Variants in ELMOD1 observed in about 807,000 individuals in gnomAD.
The protein encoded by ELMOD1 is ELMO domain containing 1.
In ELMOD1, 21 loss-of-function variants were observed where a neutral mutation model predicts 46.7. That is an observed-to-expected ratio of 0.45 (90% CI 0.32 to 0.65). ELMOD1 has a LOEUF of 0.65. ELMOD1 is among the 30% of genes least tolerant of loss of function. ELMOD1 has a pLI of 0.04. For missense variants in ELMOD1, 348 were observed against 407.8 expected, an observed-to-expected ratio of 0.85 and a Z score of 1.26; for synonymous variants, 122 against 138.2, an observed-to-expected ratio of 0.88 and a Z score of 0.82.
intron 5 of ELMOD1, among the ~76,000 whole-genome samples, chr11:107,631,982 T>G (rs1866149727): frequency 6.6e-6 from 1 of 152,238 alleles, no homozygotes; most frequent in African/African-American, 2.4e-5. Flanking sequence ...GATGCCTATG[T>G]TTTACGCTAA....
chr11:107,654,883 C>G (rs1014197178), intron 10 of ELMOD1, among the ~76,000 whole-genome samples: 2 of 151,314 alleles, frequency 1.3e-5, no homozygotes, highest in Non-Finnish European at 2.9e-5. Context: ...CCCATATTAT[C>G]CAAAAATATT....
At chr11:107,609,182 C>T (rs1470199005) in intron 1 of ELMOD1, among the ~76,000 whole-genome samples, 1 of 152,142 alleles carries the variant, frequency 6.6e-6, no homozygotes, top group Non-Finnish European at 1.5e-5. Flanking sequence ...ATAATAAGTA[C>T]TTTGTGAATA....
At chr11:107,615,748 AC>A (rs1013345012) in intron 1 of ELMOD1, among the ~76,000 whole-genome samples, 11 of 151,088 alleles carry the variant, frequency 7.3e-5, no homozygotes, top group African/African-American at 2.2e-4. Flanking sequence ...AGTTTCTTAG[AC>A]TTTCCTTGTT....
intron 9 of ELMOD1, among the ~76,000 whole-genome samples, chr11:107,651,178 A>G (rs1248260430): frequency 2.0e-5 from 3 of 152,200 alleles, no homozygotes; most frequent in Non-Finnish European, 1.5e-5. Flanking sequence ...CTAAAGGCTG[A>G]ACACCTCACC....
intron 6 of ELMOD1, among the ~76,000 whole-genome samples, chr11:107,646,221 C>CTT (rs61146463): frequency 0.098 from 14,873 of 152,080 alleles, 887 homozygotes; most frequent in African/African-American, 0.17. Context: ...CTACAGAAAA[C>CTT]TAAAAAATAG....
rs1166525245 is a variant in ELMOD1, at chr11:107,655,946, A to G, written c.712A>G (p.Ile238Val). The change falls in exon 11 of 12, where the codon ATT becomes GTT. Residue 238 changes from isoleucine to valine, a missense_variant. By Grantham distance (29) the Ile-to-Val change is conservative (BLOSUM62 3). Coordinates refer to ENST00000265840, the MANE Select transcript of ELMOD1 (RefSeq NM_018712.4). ...MDKAIGYSFA[I>V]VGINITDLAY... ...TATACTTTATAGGTACTCATTTGCA[A>G]TTGTGGGCATCAATATAACTGACCT... 1 of 1,606,648 alleles carries G rather than the reference A, an allele frequency of 6.2e-7. No individual in the cohort carries two copies. The highest frequency in any genetic ancestry group is 8.5e-7 in the Non-Finnish European group (1 of 1,176,078).
At chr11:107,604,982 A>T (rs764951820) in intron 1 of ELMOD1, among the ~76,000 whole-genome samples, 1 of 152,210 alleles carries the variant, frequency 6.6e-6, no homozygotes, top group African/African-American at 2.4e-5. Flanking sequence ...CATTTTGCCA[A>T]AAGCATCAGA....
At chr11:107,660,012 T>C (rs1866706369) in intron 11 of ELMOD1, among the ~76,000 whole-genome samples, 1 of 152,136 alleles carries the variant, frequency 6.6e-6, no homozygotes, top group Non-Finnish European at 1.5e-5. Flanking sequence ...CATCAGGTTT[T>C]GGAAGCAGCA....
chr11:107,642,413 G>C (rs887076224), intron 6 of ELMOD1, among the ~76,000 whole-genome samples: 1 of 151,794 alleles, frequency 6.6e-6, no homozygotes, highest in African/African-American at 2.4e-5. Context: ...CTGTCACCCA[G>C]GCTGGAGTGC....
chr11:107,611,565 C>CG (rs1233764948), intron 1 of ELMOD1, among the ~76,000 whole-genome samples: 1 of 151,674 alleles, frequency 6.6e-6, no homozygotes, highest in Non-Finnish European at 1.5e-5. Context: ...ATTAGCCGGT[C>CG]GTGGTGGCAG....
intron 6 of ELMOD1, among the ~76,000 whole-genome samples, chr11:107,642,104 C>T (rs1216335857): frequency 1.3e-5 from 2 of 151,440 alleles, no homozygotes; most frequent in South Asian, 2.1e-4. Flanking sequence ...CCACCATGCC[C>T]GGCTAATTTT....
chr11:107,603,398 G>T (rs979276366), intron 1 of ELMOD1, among the ~76,000 whole-genome samples: 1 of 152,050 alleles, frequency 6.6e-6, no homozygotes, highest in Admixed American at 6.6e-5. Flanking sequence ...AAATAGCTGT[G>T]CGTGGTGGTG....
At chr11:107,640,174 T>A (rs1866297179) in intron 6 of ELMOD1, among the ~76,000 whole-genome samples, 1 of 151,948 alleles carries the variant, frequency 6.6e-6, no homozygotes. Flanking sequence ...TGGCTCAAGG[T>A]TTTTTTTAAA....
intron 9 of ELMOD1, among the ~76,000 whole-genome samples, chr11:107,652,460 A>C (rs759100164): frequency 6.6e-6 from 1 of 152,198 alleles, no homozygotes; most frequent in African/African-American, 2.4e-5. Flanking sequence ...TTGGGCCAGG[A>C]TATCCTATAA....
chr11:107,637,093 G>A (rs1379394082), intron 6 of ELMOD1, among the ~76,000 whole-genome samples: 5 of 152,202 alleles, frequency 3.3e-5, no homozygotes, highest in Admixed American at 3.3e-4. Flanking sequence ...ATAAGTGAAT[G>A]CACGAATTAT....
chr11:107,639,812 C>T (rs1191033413), intron 6 of ELMOD1, among the ~76,000 whole-genome samples: 1 of 152,088 alleles, frequency 6.6e-6, no homozygotes, highest in Admixed American at 6.5e-5. Context: ...AGTAACTACT[C>T]CCAGTAGCAC....
chr11:107,621,992 A>C (rs1039283922), intron 2 of ELMOD1, among the ~76,000 whole-genome samples: 1 of 152,178 alleles, frequency 6.6e-6, no homozygotes, highest in Non-Finnish European at 1.5e-5. Context: ...ACGCCACTGC[A>C]CTCTAGCCTA....
At chr11:107,604,862 A>G (rs975283797) in intron 1 of ELMOD1, among the ~76,000 whole-genome samples, 3 of 152,224 alleles carry the variant, frequency 2.0e-5, no homozygotes, top group Admixed American at 2.0e-4. Flanking sequence ...TTAAGAGCAG[A>G]GTACCCTGCT....
intron 1 of ELMOD1, among the ~76,000 whole-genome samples, chr11:107,594,127 G>T (rs749787315): frequency 6.6e-6 from 1 of 152,058 alleles, no homozygotes; most frequent in Non-Finnish European, 1.5e-5. Context: ...TGTGTTTATG[G>T]TGGTGGTGGA....
Sources: allele counts gnomAD v4.1 joint callset (sites outside exome capture counted in the v4.1 genomes callset), GRCh38; gene constraint gnomAD v4.1.1; transcripts MANE v1.5; gene names NCBI Gene and HGNC (gene_info 2026-07-23, HGNC 2026-07-21).